IGF2BP2: variants seen among roughly 807,000 people sequenced by gnomAD.
IGF2BP2 encodes insulin-like growth factor 2 mRNA-binding protein 2.
In IGF2BP2, 17 loss-of-function variants were observed where a neutral mutation model predicts 75.8. That is an observed-to-expected ratio of 0.22 (90% CI 0.15 to 0.34). The LOEUF is 0.34. IGF2BP2 is among the 10% of genes least tolerant of loss of function. The probability of loss-of-function intolerance (pLI) is 1.00; values close to 1 mark genes in which losing one functional copy is unlikely to be tolerated. For missense variants in IGF2BP2, 516 were observed against 772.4 expected (o/e 0.67, Z 3.93); for synonymous variants, 288 against 295.6 (o/e 0.97, Z 0.26).
chr3:185,753,250 T>C, intron 2 of IGF2BP2, among the ~76,000 whole-genome samples: 1 of 152,154 alleles, frequency 6.6e-6, no homozygotes, highest in Non-Finnish European at 1.5e-5. Flanking sequence ...ATATAACTCC[T>C]GGGAACTGTA....
At chr3:185,739,956 G>A (rs1427306528) in intron 2 of IGF2BP2, among the ~76,000 whole-genome samples, 1 of 143,512 alleles carries the variant, frequency 7.0e-6, no homozygotes, top group African/African-American at 2.6e-5. Flanking sequence ...CCCAAGTTCA[G>A]GTGATTCTCC....
chr3:185,772,577 CTTTTTTTTTTTTTTT>C (rs368068706), intron 2 of IGF2BP2, among the ~76,000 whole-genome samples: 11 of 118,204 alleles, frequency 9.3e-5, no homozygotes, highest in African/African-American at 3.5e-4. Flanking sequence ...CCTTCTCTCT[CTTTTTTTTTTTTTTT>C]TTTTTTTGAG....
chr3:185,823,831 G>A (rs1741677034), intron 1 of IGF2BP2, among the ~76,000 whole-genome samples: 1 of 151,862 alleles, frequency 6.6e-6, no homozygotes, highest in Non-Finnish European at 1.5e-5. Context: ...GGAGCGGAGC[G>A]TGTGCTGGGG....
intron 4 of IGF2BP2, 152 bp downstream of exon 4, chr3:185,696,460 G>GATACATCTTACATAGATGTAA (rs1722594956): frequency 6.1e-6 from 4 of 653,502 alleles, no homozygotes; most frequent in Non-Finnish European, 1.1e-5. Context: ...ATCTATGTAA[G>GATACATCTTACATAGATGTAA]ATACATCTTA....
intron 12 of IGF2BP2, among the ~76,000 whole-genome samples, chr3:185,654,201 T>C (rs1715060260): frequency 6.6e-6 from 1 of 152,216 alleles, no homozygotes; most frequent in Admixed American, 6.5e-5. Context: ...ACAGCTGAGC[T>C]TCCTGGGGGA....
At chr3:185,808,123 A>G (rs1363218375) in intron 2 of IGF2BP2, among the ~76,000 whole-genome samples, 46 of 116,886 alleles carry the variant, frequency 3.9e-4, no homozygotes, top group Admixed American at 3.8e-3. Context: ...CTTTTAAAAA[A>G]AAAAAAAAAA....
At chr3:185,805,807 T>G (rs1257473697) in intron 2 of IGF2BP2, among the ~76,000 whole-genome samples, 2 of 151,380 alleles carry the variant, frequency 1.3e-5, no homozygotes, top group African/African-American at 4.9e-5. Context: ...GCTTCACTCT[T>G]GTCACCCAGG....
chr3:185,719,270 G>A (rs569427515), intron 2 of IGF2BP2, among the ~76,000 whole-genome samples: 22 of 152,202 alleles, frequency 1.4e-4, no homozygotes, highest in Admixed American at 1.3e-3. Flanking sequence ...AGGATAGTGG[G>A]GCATGACAAA....
chr3:185,823,553 TC>T (rs1380886632), intron 1 of IGF2BP2, among the ~76,000 whole-genome samples: 1 of 151,986 alleles, frequency 6.6e-6, no homozygotes, highest in Non-Finnish European at 1.5e-5. Flanking sequence ...CCCGCTGCTC[TC>T]CCGGCCCCCA....
In IGF2BP2 at chr3:185,657,232, G is replaced by A. The variant is rs895782220; in HGVS notation, c.1386+54C>T. The A allele has an allele frequency of 4.1e-5, 50 of 1,222,892 alleles. No homozygotes were observed. The East Asian group carries it at 4.2e-4, about 10-fold the overall frequency. 75.8% of individuals were successfully genotyped at this position (1,222,892 alleles called of 1,614,324 possible). A position where few individuals can be genotyped will look rare whatever the true frequency, so the allele number is the denominator to read the frequency against. On this transcript the variant is annotated intron_variant, in intron 12 of 15. Coordinates refer to ENST00000382199, the MANE Select transcript of IGF2BP2 (RefSeq NM_006548.6). ...CTGGGACTGAGAGGGAACAAGGGCC[G>A]TGGGATGAGAGGAGGTGGTAGAAGG...
intron 1 of IGF2BP2, among the ~76,000 whole-genome samples, chr3:185,824,297 G>C (rs1468507711): frequency 6.6e-6 from 1 of 151,502 alleles, no homozygotes; most frequent in African/African-American, 2.4e-5. Flanking sequence ...GGAGACGCCA[G>C]AGGGCGAGAG....
At chr3:185,657,608 C>T (rs561693736) in intron 11 of IGF2BP2, among the ~76,000 whole-genome samples, 18 of 152,304 alleles carry the variant, frequency 1.2e-4, no homozygotes, top group Admixed American at 5.9e-4. Flanking sequence ...GCACAGGCAG[C>T]GCTAGTGATA....
intron 2 of IGF2BP2, among the ~76,000 whole-genome samples, chr3:185,782,922 A>G (rs79768255): frequency 0.01 from 1,544 of 152,302 alleles, 25 homozygotes; most frequent in African/African-American, 0.033. Context: ...TTTCAACTCC[A>G]TCTTTAAGAG....
At chr3:185,691,162 G>A (rs966533404) in intron 5 of IGF2BP2, among the ~76,000 whole-genome samples, 29 of 152,076 alleles carry the variant, frequency 1.9e-4, no homozygotes, top group African/African-American at 6.0e-4. Context: ...GCAATGGCGC[G>A]ATCTCAGCTC....
chr3:185,727,707 T>C (rs1727553935), intron 2 of IGF2BP2, among the ~76,000 whole-genome samples: 1 of 152,222 alleles, frequency 6.6e-6, no homozygotes. Context: ...ATAAATTAGA[T>C]GGAGTGGAGG....
intron 2 of IGF2BP2, among the ~76,000 whole-genome samples, chr3:185,761,894 GT>G (rs1732418057): frequency 6.6e-6 from 1 of 152,200 alleles, no homozygotes; most frequent in South Asian, 2.1e-4. Flanking sequence ...GGGGCACGGA[GT>G]GAAAAACGTG....
At chr3:185,807,251 G>A (rs1234910858) in intron 2 of IGF2BP2, among the ~76,000 whole-genome samples, 2 of 152,088 alleles carry the variant, frequency 1.3e-5, no homozygotes, top group Non-Finnish European at 2.9e-5. Flanking sequence ...ACTCTTCAGG[G>A]GAAAGAAAGG....
At chr3:185,731,649 C>T (rs983093633) in intron 2 of IGF2BP2, among the ~76,000 whole-genome samples, 2 of 152,072 alleles carry the variant, frequency 1.3e-5, no homozygotes, top group South Asian at 4.1e-4. Context: ...AATTTCTTAT[C>T]GGTCTTTAAG....
At chr3:185,690,680 C>G (rs896864510) in intron 5 of IGF2BP2, among the ~76,000 whole-genome samples, 3 of 152,160 alleles carry the variant, frequency 2.0e-5, no homozygotes, top group African/African-American at 7.2e-5. Flanking sequence ...TTAACTATTG[C>G]CCAGTGGGCC....
Sources: gnomAD v4.1 joint callset for allele counts (sites outside exome capture counted in the v4.1 genomes callset) on GRCh38, gnomAD v4.1.1 for gene constraint, MANE v1.5 for transcripts, NCBI Gene and HGNC (gene_info 2026-07-23, HGNC 2026-07-21) for gene names.